The following CHD2 variants were observed in gnomAD, a reference collection of about 807,000 sequenced individuals.
CHD2 encodes chromodomain helicase DNA binding protein 2.
A neutral mutation model predicts 243.9 loss-of-function variants in CHD2; 28 were observed. The ratio of observed to expected loss-of-function variants is 0.11; its 90% CI spans 0.09 to 0.16. The LOEUF (loss-of-function observed/expected upper bound fraction) is 0.16, where lower values mean the gene tolerates loss of function less well. Ranked by LOEUF, CHD2 falls within the 10% of genes least tolerant of loss-of-function variation. The pLI, the probability that CHD2 is intolerant of heterozygous loss-of-function variation, is 1.00. For missense variants in CHD2, 1,386 were observed against 2,209.8 expected (o/e 0.63, Z 7.47); for synonymous variants, 775 against 779.0 (o/e 0.99, Z 0.09).
Position 92,978,374 on chromosome 15 carries a change from A to G in CHD2, c.2718A>G (p.Gln906=), listed in dbSNP as rs11074121. The G allele has an allele frequency of 0.83, 1,342,351 of 1,613,670 alleles. 562,763 individuals are homozygous for G. Among genetic ancestry groups the G allele is most frequent in the East Asian group, 1 (44,798 of 44,872 alleles). The part of the protein sequence containing the change: ...QAQARAHRIG[Q]KKQVNIYRLV... ...AAGCCCGAGCGCATAGAATTGGTCA[A>G]AAGAAGCAGGTCAGTATGGAGAGGC... is the stretch of plus-strand genomic sequence containing the variant. The change falls in exon 21 of 39, where the codon CAA becomes CAG. Residue 906 remains glutamine (Q), a synonymous_variant. Transcript: ENST00000394196.
intron 15 of CHD2, among the ~76,000 whole-genome samples, 191 bp downstream of exon 15, chr15:92,955,703 G>A (rs984142125): frequency 2.0e-5 from 3 of 152,112 alleles, no homozygotes; most frequent in Non-Finnish European, 4.4e-5. Context: ...GCAAGCAAAT[G>A]AACAACCAGA....
intron 2 of CHD2, chr15:92,904,324 G>T: frequency 2.2e-6 from 1 of 449,658 alleles, no homozygotes. Flanking sequence ...CTGATTGGCT[G>T]TGCGCGCGCC....
At chr15:92,958,740 A>G (rs1383620731) in intron 16 of CHD2, among the ~76,000 whole-genome samples, 1 of 152,262 alleles carries the variant, frequency 6.6e-6, no homozygotes, top group African/African-American at 2.4e-5. Flanking sequence ...TATACTTTGA[A>G]TGAACACAAC....
At chr15:92,973,036 A>T (rs764668099) in intron 19 of CHD2, among the ~76,000 whole-genome samples, 3 of 152,198 alleles carry the variant, frequency 2.0e-5, no homozygotes, top group Non-Finnish European at 4.4e-5. Flanking sequence ...TTGCATGTGT[A>T]TGGTGAAAGT....
chr15:92,968,960 A>G (rs2053803472), intron 17 of CHD2, among the ~76,000 whole-genome samples: 1 of 152,250 alleles, frequency 6.6e-6, no homozygotes, highest in African/African-American at 2.4e-5. Flanking sequence ...TCCATCTTGT[A>G]CATTTCCTGC....
chr15:92,969,646 A>T (rs777256144), intron 17 of CHD2, among the ~76,000 whole-genome samples: 1 of 152,214 alleles, frequency 6.6e-6, no homozygotes, highest in African/African-American at 2.4e-5. Context: ...TTTTAATGGT[A>T]AAAATACATG....
Position 92,974,914 on chromosome 15 carries a change from A to G in CHD2, c.2541A>G (p.Lys847=). 1 of 1,613,842 alleles carries G rather than the reference A, an allele frequency of 6.2e-7. No individual in the cohort carries two copies. The highest frequency in any genetic ancestry group is 1.1e-5 in the South Asian group (1 of 91,082). ...LDGSIKGEIR[K]QALDHFNADG... is the part of the protein sequence containing the mutation. ...GTTCCATCAAGGGAGAAATCCGAAA[A>G]CAGGCACTGGACCACTTCAATGCAG... is the stretch of plus-strand genomic sequence containing the variant. Residue 847 remains lysine, a synonymous_variant, in exon 20 of 39, where the codon AAA becomes AAG. Coordinates refer to ENST00000394196, the MANE Select transcript of CHD2 (RefSeq NM_001271.4).
intron 21 of CHD2, 60 bp downstream of exon 21, chr15:92,978,443 G>C: frequency 1.3e-6 from 2 of 1,527,502 alleles, no homozygotes; most frequent in Non-Finnish European, 1.8e-6. Context: ...GGCTTGTTCA[G>C]CCCTTTCAGG....
At chr15:92,940,890 AAAAATATATATAAATATATATAT>A (rs2053359934) in intron 7 of CHD2, among the ~76,000 whole-genome samples, 1 of 45,890 alleles carries the variant, frequency 2.2e-5, no homozygotes, top group Non-Finnish European at 5.7e-5. Flanking sequence ...AAATATATAT[AAAAATATATATAAATATATATAT>A]AAATATACAT....
intron 13 of CHD2, among the ~76,000 whole-genome samples, chr15:92,950,120 A>G (rs75098552): frequency 0.023 from 3,496 of 152,316 alleles, 133 homozygotes; most frequent in African/African-American, 0.079. Context: ...ACGTTCGGAC[A>G]TGTCTGAGCA....
intron 7 of CHD2, 102 bp downstream of exon 7, chr15:92,939,820 A>AT: frequency 8.3e-7 from 1 of 1,211,518 alleles, no homozygotes; most frequent in South Asian, 1.5e-5. Context: ...ATAGATAAAA[A>AT]TAACAGCCTA....
chr15:92,919,614 A>G (rs527775648), intron 2 of CHD2, among the ~76,000 whole-genome samples: 5 of 152,212 alleles, frequency 3.3e-5, no homozygotes, highest in African/African-American at 1.2e-4. Context: ...ATGGTCTCCC[A>G]TCTCCTGACC....
intron 17 of CHD2, among the ~76,000 whole-genome samples, chr15:92,970,985 C>T (rs755763062): frequency 1.3e-5 from 2 of 152,156 alleles, no homozygotes; most frequent in Non-Finnish European, 2.9e-5. Flanking sequence ...GGGTAGAAAA[C>T]ATACTGATAA....
intron 21 of CHD2, 146 bp downstream of exon 21, chr15:92,978,529 A>G (rs1024367122): frequency 1.3e-5 from 11 of 824,342 alleles, no homozygotes; most frequent in Non-Finnish European, 1.9e-5. Context: ...TAACTAGCAC[A>G]GAGATGTTGT....
chr15:92,949,348 T>C (rs2053520624), intron 13 of CHD2: 2 of 672,894 alleles, frequency 3.0e-6, no homozygotes, highest in East Asian at 4.9e-5. Context: ...TATCATCATA[T>C]GTTACTCATG....
At position 92,919,225 on chromosome 15, in the gene CHD2, G is replaced by A. The variant is rs542405394; in HGVS notation, c.63-5096G>A. Among the ~76,000 whole-genome samples the A allele has an allele frequency of 4.6e-5, 7 of 151,838 alleles. No homozygotes were observed. The East Asian group carries it at 1.4e-3, about 29-fold the overall frequency. Reference sequence around the variant, plus strand: ...CATCCAGGCTGGAGTGCAGTGGCACGATCTCATTTTCCATTTCCAGTTTAT... The same window carrying A: ...CATCCAGGCTGGAGTGCAGTGGCACAATCTCATTTTCCATTTCCAGTTTAT... On this transcript the variant is annotated intron_variant, in intron 2 of 38. Transcript: ENST00000394196.
intron 35 of CHD2, 123 bp from the exon 36 acceptor site, chr15:93,012,222 G>C (rs903110111): frequency 1.6e-5 from 8 of 509,824 alleles, no homozygotes; most frequent in Non-Finnish European, 2.7e-5. Context: ...TATTTCTGTA[G>C]CTTAATTTCT....
intron 16 of CHD2, among the ~76,000 whole-genome samples, chr15:92,961,944 C>T (rs989566248): frequency 1.2e-4 from 15 of 127,508 alleles, no homozygotes; most frequent in African/African-American, 3.2e-4. Context: ...GTGCAGGGTG[C>T]GATCTCGGCT....
rs370160870 is a variant in CHD2, at chr15:93,000,564, G to A, written c.4061G>A (p.Arg1354Lys). 5.5e-5 allele frequency: 88 copies of A among 1,613,752 alleles called. No homozygotes were observed. Among genetic ancestry groups the A allele is most frequent in the Non-Finnish European group, 7.5e-5 (88 of 1,179,852 alleles). ...GTAAAGAAGGAAAACAAAGTGCCCA[G>A]GCTGAAAGAGGAGCATGGAATTGAG... is the stretch of plus-strand genomic sequence containing the variant. ...PRVKKENKVP[R>K]LKEEHGIELS... is the part of the protein sequence containing the mutation. Residue 1354 changes from arginine to lysine, a missense_variant, in exon 32 of 39, where the codon AGG becomes AAG. By Grantham distance (26) the Arg-to-Lys change is conservative. Transcript: ENST00000394196.
Sources: gnomAD v4.1 joint callset for allele counts (sites outside exome capture counted in the v4.1 genomes callset) on GRCh38, gnomAD v4.1.1 for gene constraint, MANE v1.5 for transcripts, NCBI Gene and HGNC (gene_info 2026-07-23, HGNC 2026-07-21) for gene names.